Variants in NOP14 observed in about 807,000 individuals in gnomAD.
The protein encoded by NOP14 is nucleolar protein 14.
A neutral mutation model predicts 101.6 loss-of-function variants in NOP14; 57 were observed. The observed-to-expected ratio is 0.56, with a 90% confidence interval of 0.45 to 0.70. The LOEUF (loss-of-function observed/expected upper bound fraction) is 0.70, where lower values mean the gene tolerates loss of function less well. NOP14 is among the 30% of genes least tolerant of loss of function. The pLI is 0.00. For synonymous variants in NOP14, 428 were observed against 424.0 expected (o/e 1.01, Z -0.12); for missense variants, 1,134 against 1,075.5 (o/e 1.05, Z -0.76).
In NOP14 at chr4:2,956,655, G is replaced by A. The variant is rs1475869042; in HGVS notation, c.472+15C>T. 12 of 1,606,566 alleles carry A rather than the reference G, an allele frequency of 7.5e-6. No homozygotes were observed. The highest frequency in any genetic ancestry group is 9.3e-6 in the Non-Finnish European group (11 of 1,177,754). On this transcript the variant is annotated intron_variant, in intron 3 of 17. Transcript: ENST00000416614. The stretch of plus-strand genomic sequence containing the variant: ...CTCCACGCCCACAGGCCCGTGCACA[G>A]CACCCCAGCCTCACCAGACAACGTT...
chr4:2,956,533 T>C lies in NOP14; in HGVS notation c.472+137A>G, dbSNP rs183162002. 36 of 832,136 alleles carry C rather than the reference T, an allele frequency of 4.3e-5. No individual in the cohort carries two copies. The African/African-American group carries it at 4.7e-4, about 11-fold the overall frequency. 51.5% of individuals were successfully genotyped at this position (832,136 alleles called of 1,614,324 possible). On this transcript the variant is annotated intron_variant, in intron 3 of 17. Transcript: ENST00000416614. ...ACATAAAAACTGTCACTTGTGAAATTTGTAGAGAGGTTAATGATCAGTAAA... is the reference window on the plus strand; with the variant it reads ...ACATAAAAACTGTCACTTGTGAAATCTGTAGAGAGGTTAATGATCAGTAAA...
intron 11 of NOP14, among the ~76,000 whole-genome samples, chr4:2,945,985 T>G (rs1263333): frequency 0.2 from 12,800 of 62,838 alleles, 1,174 homozygotes; most frequent in South Asian, 0.36. Context: ...GCACTCTCAC[T>G]CCAGATCACC....
At chr4:2,954,979 A>G (rs1047304460) in intron 3 of NOP14, among the ~76,000 whole-genome samples, 1 of 151,710 alleles carries the variant, frequency 6.6e-6, no homozygotes, top group Non-Finnish European at 1.5e-5. Flanking sequence ...CACCTGTACC[A>G]CGGCGCCCCC....
chr4:2,950,349 T>G, intron 7 of NOP14, 136 bp from the exon 8 acceptor site: 3 of 916,486 alleles, frequency 3.3e-6, no homozygotes, highest in Non-Finnish European at 5.0e-6. Flanking sequence ...TGTGCTCCAT[T>G]TGCCCACTGG....
intron 15 of NOP14, 23 bp downstream of exon 15, chr4:2,941,559 C>A: frequency 6.2e-7 from 1 of 1,608,166 alleles, no homozygotes; most frequent in Non-Finnish European, 8.5e-7. Flanking sequence ...AGGCAGAGCA[C>A]CCTAGTGGCC....
At position 2,956,692 on chromosome 4, in the gene NOP14, A is replaced by G; in HGVS notation, c.450T>C (p.Ala150=). ...HNDIVDSDSD[A]EDRGTLSAEL... is the part of the protein sequence containing the mutation. ...CACCAGACAACGTTCCTCGATCCTC[A>G]GCATCGCTGTCACTGTCCACAATGT... The change falls in exon 3 of 18, where the codon GCT becomes GCC. Residue 150 remains alanine (A), a synonymous_variant. Coordinates refer to ENST00000416614, the MANE Select transcript of NOP14 (RefSeq NM_001291978.2). The G allele has an allele frequency of 6.2e-7, 1 of 1,612,934 alleles. No homozygotes were observed. Among genetic ancestry groups the G allele is most frequent in the Non-Finnish European group, 8.5e-7 (1 of 1,179,698 alleles).
chr4:2,951,064 TTTAAA>T lies in NOP14; in HGVS notation c.1002+45_1002+49del, dbSNP rs1195068561. 3.3e-6 allele frequency: 5 copies of T among 1,523,468 alleles called. 1 individual carries two copies. In the African/African-American group the frequency reaches 7.0e-5, roughly 21 times the overall value. The allele number at this position is 1,523,468 out of a possible 1,614,324, so 94.4% of individuals were successfully genotyped here. On this transcript the variant is annotated intron_variant, in intron 7 of 17. Transcript: ENST00000416614. ...CTAAAATGAATACCAAAAAAATGTT[TTTAAA>T]TTAAAAAAAGAGAGAGAAAGAGAAA...
At chr4:2,956,439 C>T (rs1468504147) in intron 3 of NOP14, among the ~76,000 whole-genome samples, 2 of 151,642 alleles carry the variant, frequency 1.3e-5, no homozygotes, top group African/African-American at 2.4e-5. Context: ...AACATGCTTT[C>T]TTGGCCCATA....
intron 17 of NOP14, 57 bp from the exon 18 acceptor site, chr4:2,938,987 G>T: frequency 6.5e-7 from 1 of 1,531,724 alleles, no homozygotes; most frequent in Non-Finnish European, 9.0e-7. Context: ...AGAGCATCTT[G>T]CCCTCTCTCT....
At chr4:2,958,007 C>T (rs1036986778) in intron 1 of NOP14, among the ~76,000 whole-genome samples, 5 of 152,192 alleles carry the variant, frequency 3.3e-5, no homozygotes, top group Non-Finnish European at 7.3e-5. Context: ...AAAGAACACA[C>T]TAGTCAAGCT....
Position 2,937,974 on chromosome 4 carries a change from G to A in NOP14, c.*857C>T, listed in dbSNP as rs1265488862. The A allele has an allele frequency of 4.8e-6, 1 of 206,358 alleles. No individual in the cohort carries two copies. The highest frequency in any genetic ancestry group is 2.4e-5 in the African/African-American group (1 of 41,890). 12.8% of individuals were successfully genotyped at this position (206,358 alleles called of 1,614,324 possible). A position where few individuals can be genotyped will look rare whatever the true frequency, so the allele number is the denominator to read the frequency against. On this transcript the variant is annotated 3_prime_UTR_variant, in exon 18 of 18. Coordinates refer to ENST00000416614, the MANE Select transcript of NOP14 (RefSeq NM_001291978.2). ...TGAAAATATAATTTGCATAACAACA[G>A]TAAATTCTACACATGAAGGCAAACG...
intron 1 of NOP14, among the ~76,000 whole-genome samples, chr4:2,959,524 T>G (rs562349754): frequency 6.6e-6 from 1 of 151,892 alleles, no homozygotes; most frequent in Admixed American, 6.6e-5. Flanking sequence ...ACCCGGGAAG[T>G]GGAGCTTGCA....
intron 13 of NOP14, 107 bp from the exon 14 acceptor site, chr4:2,942,458 C>G: frequency 8.8e-7 from 1 of 1,139,874 alleles, no homozygotes; most frequent in Non-Finnish European, 1.3e-6. Context: ...AGACGCACAC[C>G]GATTTTTATG....
intron 12 of NOP14, among the ~76,000 whole-genome samples, chr4:2,944,496 T>A (rs570071676): frequency 9.2e-5 from 14 of 152,184 alleles, no homozygotes; most frequent in African/African-American, 3.4e-4. Context: ...AACCTCCACC[T>A]CCCGGGTTCA....
At chr4:2,940,005 G>T (rs981256276) in intron 15 of NOP14, among the ~76,000 whole-genome samples, 5 of 152,182 alleles carry the variant, frequency 3.3e-5, no homozygotes, top group African/African-American at 1.2e-4. Context: ...AGACAAACTT[G>T]GCACGAAAGG....
At chr4:2,962,928 C>T (rs1716203077) in intron 1 of NOP14, among the ~76,000 whole-genome samples, 197 bp downstream of exon 1, 1 of 152,182 alleles carries the variant, frequency 6.6e-6, no homozygotes, top group South Asian at 2.1e-4. Flanking sequence ...TGCAGGGTCT[C>T]CAAGACGGCG....
intron 11 of NOP14, 69 bp from the exon 12 acceptor site, chr4:2,945,298 C>T (rs1284900140): frequency 1.7e-6 from 2 of 1,144,210 alleles, no homozygotes; most frequent in Non-Finnish European, 2.6e-6. Context: ...TCCCCGCAAA[C>T]ACTCCGGAGC....
intron 3 of NOP14, among the ~76,000 whole-genome samples, chr4:2,955,368 A>ACG (rs1715282326): frequency 2.7e-5 from 2 of 73,862 alleles, no homozygotes; most frequent in Non-Finnish European, 5.2e-5. Context: ...AGTCACCTGG[A>ACG]CCACGGCGCC....
chr4:2,958,262 C>T (rs573705242), intron 1 of NOP14, among the ~76,000 whole-genome samples: 21 of 152,192 alleles, frequency 1.4e-4, no homozygotes, highest in East Asian at 7.7e-4. Context: ...ATTTTAAATA[C>T]GGTTAGCAAG....
Sources: allele counts gnomAD v4.1 joint callset (sites outside exome capture counted in the v4.1 genomes callset), GRCh38; gene constraint gnomAD v4.1.1; transcripts MANE v1.5; gene names NCBI Gene and HGNC (gene_info 2026-07-23, HGNC 2026-07-21).